Variants in ISM1 observed in about 807,000 individuals in gnomAD.
The protein encoded by ISM1 is isthmin 1.
In ISM1, 25 loss-of-function variants were observed where a neutral mutation model predicts 46.3. The ratio of observed to expected loss-of-function variants is 0.54; its 90% CI spans 0.39 to 0.75. The LOEUF (loss-of-function observed/expected upper bound fraction) is 0.75. Ranked by LOEUF, ISM1 falls within the 30% of genes least tolerant of loss-of-function variation. The pLI, the probability that ISM1 is intolerant of heterozygous loss-of-function variation, is 0.00. For missense variants in ISM1, 536 were observed against 625.4 expected (o/e 0.86, Z 1.52); for synonymous variants, 255 against 256.7 (o/e 0.99, Z 0.06).
At chr20:13,316,307 T>C in the ISM1 span, among the ~76,000 whole-genome samples, 1 of 151,894 alleles carries the variant, frequency 6.6e-6, no homozygotes, top group Non-Finnish European at 1.5e-5. Flanking sequence ...ATTAATAACC[T>C]GTCAAAACAG....
At chr20:13,263,905 G>A (rs1038663778) in intron 1 of ISM1, among the ~76,000 whole-genome samples, 2 of 152,188 alleles carry the variant, frequency 1.3e-5, no homozygotes, top group South Asian at 2.1e-4. Flanking sequence ...AAGTCTATGA[G>A]ACCAAATGCA....
chr20:13,286,713 GTGTT>G (rs1205320440), intron 3 of ISM1, among the ~76,000 whole-genome samples: 5 of 152,200 alleles, frequency 3.3e-5, no homozygotes, highest in African/African-American at 4.8e-5. Flanking sequence ...CCACAGCCCT[GTGTT>G]TGCCTGAGGC....
At chr20:13,258,988 A>G (rs1458163961) in intron 1 of ISM1, among the ~76,000 whole-genome samples, 1 of 152,140 alleles carries the variant, frequency 6.6e-6, no homozygotes, top group Non-Finnish European at 1.5e-5. Context: ...GTGGTATCAT[A>G]ATTAGGAATC....
intron 3 of ISM1, among the ~76,000 whole-genome samples, chr20:13,286,031 G>A (rs369553589): frequency 2.0e-5 from 3 of 152,174 alleles, no homozygotes; most frequent in East Asian, 3.9e-4. Context: ...CACAGGTGAT[G>A]CAAACTCTAC....
At chr20:13,325,745 C>A in the ISM1 span, among the ~76,000 whole-genome samples, 2 of 152,226 alleles carry the variant, frequency 1.3e-5, no homozygotes, top group South Asian at 4.1e-4. Context: ...TCCATTTGAA[C>A]CTGATTTTTC....
Position 13,270,722 on chromosome 20 carries a change from T to C in ISM1, c.357T>C (p.Asn119=), listed in dbSNP as rs1704945258. 1 of 1,613,772 alleles carries C rather than the reference T, an allele frequency of 6.2e-7. No homozygotes were observed. Among genetic ancestry groups the C allele is most frequent in the African/African-American group, 1.3e-5 (1 of 74,936 alleles). Residue 119 remains asparagine, a synonymous_variant, in exon 2 of 6, where the codon AAT becomes AAC. Coordinates refer to ENST00000262487, the MANE Select transcript of ISM1 (RefSeq NM_080826.2). ...NFPDLSKADI[N]GQNPNIQVTI... ...CAGATCTTTCCAAAGCTGATATCAA[T>C]GGGCAGAATCCAAATATCCAGGTAA...
chr20:13,300,933 C>CT (rs2040452669), downstream of ISM1, among the ~76,000 whole-genome samples: 1 of 152,190 alleles, frequency 6.6e-6, no homozygotes, highest in Admixed American at 6.5e-5. Flanking sequence ...ATGAGCAGGG[C>CT]CACTTCCACA....
chr20:13,240,273 AATT>A (rs770148126), intron 1 of ISM1, among the ~76,000 whole-genome samples: 2 of 152,194 alleles, frequency 1.3e-5, no homozygotes, highest in African/African-American at 2.4e-5. Flanking sequence ...AGAATAAAGG[AATT>A]ATTATAGATT....
chr20:13,265,190 A>C (rs1202297890), intron 1 of ISM1, among the ~76,000 whole-genome samples: 1 of 152,204 alleles, frequency 6.6e-6, no homozygotes, highest in Non-Finnish European at 1.5e-5. Context: ...TCCTTCACCA[A>C]GATTGCAAAG....
At chr20:13,280,971 A>T (rs2040233092) in intron 3 of ISM1, among the ~76,000 whole-genome samples, 1 of 152,192 alleles carries the variant, frequency 6.6e-6, no homozygotes, top group African/African-American at 2.4e-5. Context: ...GAAGGGGATG[A>T]CTTGTCTTAC....
the ISM1 span, among the ~76,000 whole-genome samples, chr20:13,313,085 G>A: frequency 3.3e-5 from 5 of 152,042 alleles, no homozygotes; most frequent in African/African-American, 1.2e-4. Flanking sequence ...GTTCTTCTTT[G>A]GGCCCCATCC....
chr20:13,272,235 C>A (rs189764423), intron 2 of ISM1, among the ~76,000 whole-genome samples: 56 of 152,314 alleles, frequency 3.7e-4, no homozygotes, highest in African/African-American at 1.3e-3. Context: ...GCCTCTCTCT[C>A]CACAGACTAA....
intron 4 of ISM1, among the ~76,000 whole-genome samples, chr20:13,290,346 T>G: frequency 6.6e-6 from 1 of 152,124 alleles, no homozygotes. Context: ...GGTAAAAAGA[T>G]GAGGCAAAAG....
intron 1 of ISM1, chr20:13,244,014 C>A (rs1285092680): frequency 7.9e-5 from 12 of 152,200 alleles, no homozygotes; most frequent in Admixed American, 7.9e-4. Context: ...ATTACCACAT[C>A]TCCAGTGTAG....
the ISM1 span, among the ~76,000 whole-genome samples, chr20:13,321,540 T>A: frequency 1.3e-5 from 2 of 152,128 alleles, no homozygotes; most frequent in Non-Finnish European, 2.9e-5. Context: ...AACATAATCC[T>A]TCCTCTGTCT....
chr20:13,229,464 A>G (rs1229158686), intron 1 of ISM1, among the ~76,000 whole-genome samples: 1 of 152,166 alleles, frequency 6.6e-6, no homozygotes, highest in African/African-American at 2.4e-5. Context: ...CATTAAACTA[A>G]GTTTTTGAGA....
chr20:13,259,088 G>A (rs1251193949), intron 1 of ISM1, among the ~76,000 whole-genome samples: 1 of 152,100 alleles, frequency 6.6e-6, no homozygotes, highest in East Asian at 1.9e-4. Flanking sequence ...TTCAAGACCA[G>A]CCTGGCCAAC....
intron 1 of ISM1, among the ~76,000 whole-genome samples, chr20:13,255,384 TTGTG>T (rs926809268): frequency 1.3e-5 from 2 of 152,202 alleles, no homozygotes; most frequent in Non-Finnish European, 2.9e-5. Context: ...CAGTCATTAT[TTGTG>T]TGTGTGTTTT....
chr20:13,244,522 T>C (rs1489431369), intron 1 of ISM1: 1 of 152,114 alleles, frequency 6.6e-6, no homozygotes, highest in Non-Finnish European at 1.5e-5. Flanking sequence ...AGATGACTAG[T>C]GAAAAGAATT....
Sources: allele counts gnomAD v4.1 joint callset (sites outside exome capture counted in the v4.1 genomes callset), GRCh38; gene constraint gnomAD v4.1.1; transcripts MANE v1.5; gene names NCBI Gene and HGNC (gene_info 2026-07-23, HGNC 2026-07-21).